LRIG1: variants seen among roughly 807,000 people sequenced by gnomAD.
LRIG1 encodes the protein leucine rich repeats and immunoglobulin like domains 1.
A neutral mutation model predicts 99.2 loss-of-function variants in LRIG1; 48 were observed. The ratio of observed to expected loss-of-function variants is 0.48; its 90% CI spans 0.38 to 0.62. The LOEUF (loss-of-function observed/expected upper bound fraction) is 0.62, where lower values mean the gene tolerates loss of function less well. Ranked by LOEUF, LRIG1 falls within the 20% of genes least tolerant of loss-of-function variation. The probability of loss-of-function intolerance (pLI) is 0.00; values close to 1 mark genes in which losing one functional copy is unlikely to be tolerated. For synonymous variants in LRIG1, 772 were observed against 596.1 expected (o/e 1.29, Z -4.30); for missense variants, 1,646 against 1,434.4 (o/e 1.15, Z -2.38).
At chr3:66,402,733 G>A (rs1702108192) in intron 9 of LRIG1, among the ~76,000 whole-genome samples, 1 of 152,154 alleles carries the variant, frequency 6.6e-6, no homozygotes, top group South Asian at 2.1e-4. Context: ...CTCTAGAGGG[G>A]CGGCTCTTCT....
intron 9 of LRIG1, chr3:66,404,339 C>G: frequency 7.8e-7 from 1 of 1,286,564 alleles, no homozygotes; most frequent in Non-Finnish European, 1.0e-6. Context: ...CTGGGGGAAT[C>G]GAGCGGCAGC....
Position 66,383,317 on chromosome 3 carries a change from T to C in LRIG1, c.2156A>G (p.Asn719Ser). ...TVALQCKATG[N>S]PPPRITWFKG... is the part of the protein sequence containing the mutation. ...GAACCAGGTGATGCGGGGCGGAGGG[T>C]TCCCCGTGGCTTTGCATTGGAGGGC... Residue 719 changes from asparagine to serine, a missense_variant, in exon 15 of 19, where the codon AAC becomes AGC. Coordinates refer to ENST00000273261, the MANE Select transcript of LRIG1 (RefSeq NM_015541.3). 1 of 1,604,636 alleles carries C rather than the reference T, an allele frequency of 6.2e-7. No homozygotes were observed. The highest frequency in any genetic ancestry group is 8.5e-7 in the Non-Finnish European group (1 of 1,172,460).
At chr3:66,441,599 T>C (rs1214929140) in intron 3 of LRIG1, among the ~76,000 whole-genome samples, 1 of 152,136 alleles carries the variant, frequency 6.6e-6, no homozygotes, top group Non-Finnish European at 1.5e-5. Flanking sequence ...GCAAGGGCAT[T>C]ACAGAGGCAC....
chr3:66,500,371 G>A lies in LRIG1; in HGVS notation c.37C>T (p.Arg13Cys), dbSNP rs563668067. ...AGAAGGAGAAGGCAAGGCGAGCGGC[G>A]CGGGGCCCCGAGCCCTCCCCGGACC... ...RPVRGGLGAP[R>C]RSPCLLLLWL... Residue 13 changes from arginine (R) to cysteine (C), a missense_variant, in exon 1 of 19, where the codon CGC becomes TGC. Coordinates refer to ENST00000273261, the MANE Select transcript of LRIG1 (RefSeq NM_015541.3). The A allele has an allele frequency of 1.4e-6, 2 of 1,479,752 alleles. No individual in the cohort carries two copies. The highest frequency in any genetic ancestry group is 1.8e-6 in the Non-Finnish European group (2 of 1,121,074). The allele number at this position is 1,479,752 out of a possible 1,614,324, so 91.7% of individuals were successfully genotyped here. A position where few individuals can be genotyped will look rare whatever the true frequency, so the allele number is the denominator to read the frequency against.
At chr3:66,482,411 T>A (rs369864190) in intron 1 of LRIG1, among the ~76,000 whole-genome samples, 3 of 152,156 alleles carry the variant, frequency 2.0e-5, no homozygotes, top group African/African-American at 7.2e-5. Context: ...AAAGGAAATA[T>A]CTGGGAGTAT....
intron 1 of LRIG1, among the ~76,000 whole-genome samples, chr3:66,485,996 T>C (rs1022605007): frequency 4.6e-5 from 7 of 152,210 alleles, no homozygotes; most frequent in Admixed American, 2.0e-4. Context: ...CTTCTAAACA[T>C]GTACACGCAG....
chr3:66,484,075 T>C lies in LRIG1; in HGVS notation c.218+16115A>G, dbSNP rs116499965. 3.9e-3 allele frequency among the ~76,000 whole-genome samples: 592 copies of C among 152,344 alleles called. 2 individuals are homozygous for C. The highest frequency in any genetic ancestry group is 0.013 in the African/African-American group (559 of 41,584). ...CAACTTCGGTTCTATTTGTTTCTTC[T>C]TTCTTTCCATTCTTCTAAGTTTCTC... On this transcript the variant is annotated intron_variant, in intron 1 of 18. Transcript: ENST00000273261.
intron 3 of LRIG1, among the ~76,000 whole-genome samples, chr3:66,443,523 A>T (rs541554677): frequency 1.1e-4 from 16 of 152,020 alleles, no homozygotes; most frequent in East Asian, 3.9e-4. Flanking sequence ...AAGAGAAAGG[A>T]GGTTTGCAGA....
Position 66,383,238 on chromosome 3 carries a change from G to C in LRIG1, c.2235C>G (p.Asn745Lys). Reference protein sequence around the residue: ...LTERHHLTPDNQLLVVQNVVA... With the variant: ...LTERHHLTPDKQLLVVQNVVA... ...CCACGTTCTGAACCACCAGGAGCTG[G>C]TTGTCAGGGGTCAAGTGGTGCCGCT... The change falls in exon 15 of 19, where the codon AAC (asparagine) becomes AAG (lysine). Residue 745 changes from asparagine (N) to lysine (K), a missense_variant. Asn to Lys is a moderately conservative substitution (Grantham distance 94, BLOSUM62 0). Coordinates refer to ENST00000273261, the MANE Select transcript of LRIG1 (RefSeq NM_015541.3). The C allele has an allele frequency of 6.2e-7, 1 of 1,614,242 alleles. No individual in the cohort carries two copies. The highest frequency in any genetic ancestry group is 8.5e-7 in the Non-Finnish European group (1 of 1,180,050).
At chr3:66,472,754 T>C (rs755699467) in intron 1 of LRIG1, among the ~76,000 whole-genome samples, 8 of 152,062 alleles carry the variant, frequency 5.3e-5, no homozygotes, top group Non-Finnish European at 1.2e-4. Flanking sequence ...ATATATTACT[T>C]CCTCTGGGTG....
chr3:66,389,255 A>G (rs1465187106), intron 12 of LRIG1, among the ~76,000 whole-genome samples: 1 of 152,238 alleles, frequency 6.6e-6, no homozygotes, highest in Non-Finnish European at 1.5e-5. Context: ...CAGGGAATTA[A>G]AATAGTACAA....
At chr3:66,488,501 G>A (rs1283666979) in intron 1 of LRIG1, among the ~76,000 whole-genome samples, 1 of 151,768 alleles carries the variant, frequency 6.6e-6, no homozygotes, top group Non-Finnish European at 1.5e-5. Flanking sequence ...GCCTGGCTTG[G>A]TGGCAGGCGC....
intron 3 of LRIG1, among the ~76,000 whole-genome samples, chr3:66,419,959 C>T (rs911657478): frequency 9.9e-5 from 15 of 152,196 alleles, no homozygotes; most frequent in African/African-American, 3.6e-4. Flanking sequence ...TGCCCACTTA[C>T]AGTCTATTCC....
intron 3 of LRIG1, among the ~76,000 whole-genome samples, chr3:66,421,080 C>A (rs1231666769): frequency 1.3e-5 from 2 of 152,062 alleles, no homozygotes; most frequent in Non-Finnish European, 2.9e-5. Context: ...AAAAACCTGC[C>A]CCCATAACTC....
Position 66,378,857 on chromosome 3 carries a change from T to C in LRIG1, c.*1406A>G, listed in dbSNP as rs1178624434. 2 of 152,632 alleles carry C rather than the reference T, an allele frequency of 1.3e-5. No individual in the cohort carries two copies. The highest frequency in any genetic ancestry group is 3.8e-4 in the East Asian group (2 of 5,198). 9.5% of individuals were successfully genotyped at this position (152,632 alleles called of 1,614,324 possible). ...CAATGCCATTTGTTAGACACTTCAA[T>C]ATTTTACATGGTTTTCAATGTACAC... On this transcript the variant is annotated 3_prime_UTR_variant, in exon 19 of 19. Transcript: ENST00000273261.
intron 3 of LRIG1, among the ~76,000 whole-genome samples, chr3:66,439,729 GTT>G (rs1179219554): frequency 6.6e-6 from 1 of 152,184 alleles, no homozygotes; most frequent in Non-Finnish European, 1.5e-5. Flanking sequence ...GCAAATGACA[GTT>G]GGGTGGGCTA....
intron 3 of LRIG1, among the ~76,000 whole-genome samples, chr3:66,425,366 G>C (rs1231593788): frequency 6.6e-6 from 1 of 152,242 alleles, no homozygotes; most frequent in African/African-American, 2.4e-5. Flanking sequence ...CCAGAGTCCT[G>C]TGTGAGAAGC....
chr3:66,404,204 A>G, intron 9 of LRIG1: 1 of 1,266,846 alleles, frequency 7.9e-7, no homozygotes, highest in Non-Finnish European at 1.0e-6. Context: ...ACAAATCAGA[A>G]GCATCTACTA....
Position 66,382,359 on chromosome 3 carries a change from G to A in LRIG1, c.2531C>T (p.Ser844Phe). The A allele has an allele frequency of 5.6e-6, 9 of 1,614,198 alleles. No homozygotes were observed. Among genetic ancestry groups the A allele is most frequent in the Non-Finnish European group, 7.6e-6 (9 of 1,180,016 alleles). ...TCGGTCAGAAAGGGTCCCCTGAGAAGAGAGGTAGCTTGGAACATCTGGTGG... is the reference window on the plus strand; with the variant it reads ...TCGGTCAGAAAGGGTCCCCTGAGAAAAGAGGTAGCTTGGAACATCTGGTGG... The part of the protein sequence containing the change: ...VVPPDVPSYL[S>F]SQGTLSDRQE... Residue 844 changes from serine to phenylalanine, a missense_variant, in exon 16 of 19, where the codon TCT (serine) becomes TTT (phenylalanine). Coordinates refer to ENST00000273261, the MANE Select transcript of LRIG1 (RefSeq NM_015541.3).
Sources: allele counts gnomAD v4.1 joint callset (sites outside exome capture counted in the v4.1 genomes callset), GRCh38; gene constraint gnomAD v4.1.1; transcripts MANE v1.5; gene names NCBI Gene and HGNC (gene_info 2026-07-23, HGNC 2026-07-21).